CBFA2T2: variants seen among roughly 807,000 people sequenced by gnomAD.
The protein encoded by CBFA2T2 is protein CBFA2T2.
In CBFA2T2, 11 loss-of-function variants were observed where a neutral mutation model predicts 62.2. That is an observed-to-expected ratio of 0.18 (90% CI 0.11 to 0.29). CBFA2T2 has a LOEUF of 0.29. Ranked by LOEUF, CBFA2T2 falls within the 10% of genes least tolerant of loss-of-function variation. CBFA2T2 has a pLI of 1.00. For missense variants in CBFA2T2, 592 were observed against 774.1 expected (o/e 0.76, Z 2.79); for synonymous variants, 295 against 287.5 (o/e 1.03, Z -0.27).
At chr20:33,562,261 T>C in intron 1 of CBFA2T2, 1 of 328,924 alleles carries the variant, frequency 3.0e-6, no homozygotes, top group Non-Finnish European at 4.4e-6. Flanking sequence ...TAATGTCAGA[T>C]TGGCCAGGAG....
intron 1 of CBFA2T2, among the ~76,000 whole-genome samples, chr20:33,503,045 C>A (rs1363535678): frequency 8.3e-6 from 1 of 120,206 alleles, no homozygotes; most frequent in East Asian, 2.8e-4. Flanking sequence ...GAGCTGAGAT[C>A]GCGCCACTGC....
At chr20:33,623,954 G>GAAAAAAAAAAAAAAGAA in intron 5 of CBFA2T2, 1 of 320,170 alleles carries the variant, frequency 3.1e-6, no homozygotes, top group South Asian at 6.3e-5. Flanking sequence ...GAAAGAATTG[G>GAAAAAAAAAAAAAAGAA]AAAAAAAAAA....
intron 1 of CBFA2T2, among the ~76,000 whole-genome samples, chr20:33,515,350 CAAAAAA>C (rs11371940): frequency 7.3e-5 from 6 of 82,022 alleles, no homozygotes; most frequent in East Asian, 3.7e-4. Flanking sequence ...GACTCCATCT[CAAAAAA>C]AAAAAAAAAA....
rs150080383 is a variant in CBFA2T2 at position 33,512,038 on chromosome 20, G to A, written c.34+21737G>A. On this transcript the variant is annotated intron_variant, in intron 1 of 10. Transcript: ENST00000342704. ...CTAAAAATACAAAGATTAGCTGGGC[G>A]TGGTGGCATGCGCCTGTAGGCCCAG... Among the ~76,000 whole-genome samples, 17 of 152,280 alleles carry A rather than the reference G, an allele frequency of 1.1e-4. No individual in the cohort carries two copies. The East Asian group carries it at 2.9e-3, about 26-fold the overall frequency.
intron 1 of CBFA2T2, among the ~76,000 whole-genome samples, chr20:33,533,163 T>C (rs891210980): frequency 6.6e-6 from 1 of 152,214 alleles, no homozygotes; most frequent in African/African-American, 2.4e-5. Context: ...ACTACACATA[T>C]GTAAAGTGTA....
chr20:33,531,470 G>GA (rs1269433834), intron 1 of CBFA2T2, among the ~76,000 whole-genome samples: 25 of 152,232 alleles, frequency 1.6e-4, no homozygotes, highest in African/African-American at 5.5e-4. Context: ...TGCCCCACTA[G>GA]AAAAAACAGT....
intron 1 of CBFA2T2, among the ~76,000 whole-genome samples, chr20:33,510,223 T>TA (rs2146853780): frequency 6.6e-6 from 1 of 151,710 alleles, no homozygotes; most frequent in African/African-American, 2.4e-5. Flanking sequence ...TGTTTTTTTT[T>TA]TTTTGGAGAC....
At chr20:33,600,911 G>T (rs762338925) in intron 1 of CBFA2T2, among the ~76,000 whole-genome samples, 2 of 152,010 alleles carry the variant, frequency 1.3e-5, no homozygotes, top group Admixed American at 6.6e-5. Context: ...ATTGACAAGG[G>T]ATTGTTTAAA....
At chr20:33,497,774 A>T (rs1387085686) in intron 1 of CBFA2T2, among the ~76,000 whole-genome samples, 1 of 151,636 alleles carries the variant, frequency 6.6e-6, no homozygotes, top group Non-Finnish European at 1.5e-5. Context: ...AGTCTCGATC[A>T]CTTGACCTCG....
intron 1 of CBFA2T2, among the ~76,000 whole-genome samples, chr20:33,575,605 A>G (rs771145670): frequency 9.2e-5 from 14 of 152,058 alleles, no homozygotes; most frequent in Non-Finnish European, 2.1e-4. Flanking sequence ...GTCTTTCTTA[A>G]TAGGGTTTTT....
At chr20:33,508,988 C>T (rs1329423704) in intron 1 of CBFA2T2, among the ~76,000 whole-genome samples, 1 of 152,256 alleles carries the variant, frequency 6.6e-6, no homozygotes, top group Admixed American at 6.6e-5. Flanking sequence ...ATTCATTTGC[C>T]AGATCAGTCG....
At chr20:33,589,189 T>A (rs2014506872) in intron 1 of CBFA2T2, among the ~76,000 whole-genome samples, 1 of 152,132 alleles carries the variant, frequency 6.6e-6, no homozygotes, top group Non-Finnish European at 1.5e-5. Context: ...CTGTGGGAGA[T>A]GCACAAATGA....
At chr20:33,513,183 T>A (rs1208550827) in intron 1 of CBFA2T2, among the ~76,000 whole-genome samples, 2 of 152,172 alleles carry the variant, frequency 1.3e-5, no homozygotes, top group Non-Finnish European at 2.9e-5. Flanking sequence ...AGCCAATGCT[T>A]GCATCAGCAG....
rs146815625 is a variant in CBFA2T2, at chr20:33,641,668, C to T, written c.1488+1137C>T. 4.8e-3 allele frequency among the ~76,000 whole-genome samples: 733 copies of T among 152,276 alleles called. 6 individuals carry two copies. The highest frequency in any genetic ancestry group is 0.016 in the African/African-American group (677 of 41,562). On this transcript the variant is annotated intron_variant, in intron 10 of 10. Coordinates refer to ENST00000342704, the MANE Select transcript of CBFA2T2 (RefSeq NM_001032999.3). ...GTGCGGTCTCGGCTCACCGCAACCT[C>T]TACCTCCGGGTTCAAGCGATTCTCC...
At chr20:33,583,930 A>ATTTGTTTG (rs1396153200) in intron 1 of CBFA2T2, among the ~76,000 whole-genome samples, 4 of 149,076 alleles carry the variant, frequency 2.7e-5, no homozygotes, top group African/African-American at 9.9e-5. Context: ...TTATTTATTT[A>ATTTGTTTG]TTTGTTTGTT....
intron 8 of CBFA2T2, among the ~76,000 whole-genome samples, chr20:33,633,152 C>T (rs2016513187): frequency 2.0e-5 from 3 of 151,402 alleles, no homozygotes; most frequent in East Asian, 2.0e-4. Flanking sequence ...AGGTGGATCA[C>T]GTGAAGCCAG....
chr20:33,490,220 C>A lies in CBFA2T2; in HGVS notation c.-48C>A. 5 of 1,221,396 alleles carry A rather than the reference C, an allele frequency of 4.1e-6. No individual in the cohort carries two copies. Among genetic ancestry groups the A allele is most frequent in the Non-Finnish European group, 5.1e-6 (5 of 981,300 alleles). 75.7% of individuals were successfully genotyped at this position (1,221,396 alleles called of 1,614,324 possible). A position where few individuals can be genotyped will look rare whatever the true frequency, so the allele number is the denominator to read the frequency against. On this transcript the variant is annotated 5_prime_UTR_variant, in exon 1 of 11. Transcript: ENST00000342704. ...CGAGGCGGGCGGCGCCTGCGAGGGA[C>A]CCGTGTCGCGGGTAGAGGCGGGCGG... is the stretch of plus-strand genomic sequence containing the variant.
chr20:33,518,884 C>T (rs1179653119), intron 1 of CBFA2T2, among the ~76,000 whole-genome samples: 4 of 151,702 alleles, frequency 2.6e-5, no homozygotes, highest in African/African-American at 4.8e-5. Flanking sequence ...TGCACTGGAG[C>T]GATCTTGGCT....
intron 3 of CBFA2T2, among the ~76,000 whole-genome samples, chr20:33,612,303 A>C (rs2015559816): frequency 6.6e-6 from 1 of 152,184 alleles, no homozygotes; most frequent in African/African-American, 2.4e-5. Context: ...TTTCTAATTG[A>C]ATTTACCTCC....
Sources: gnomAD v4.1 joint callset for allele counts (sites outside exome capture counted in the v4.1 genomes callset) on GRCh38, gnomAD v4.1.1 for gene constraint, MANE v1.5 for transcripts, NCBI Gene and HGNC (gene_info 2026-07-23, HGNC 2026-07-21) for gene names.